Variants in FLNB observed in about 807,000 individuals in gnomAD.
FLNB encodes the protein filamin B.
A neutral mutation model predicts 250.6 loss-of-function variants in FLNB; 111 were observed. That is an observed-to-expected ratio of 0.44 (90% CI 0.38 to 0.52). The LOEUF (loss-of-function observed/expected upper bound fraction) is 0.52, where lower values mean the gene tolerates loss of function less well. Ranked by LOEUF, FLNB falls within the 20% of genes least tolerant of loss-of-function variation. The probability of loss-of-function intolerance (pLI) is 0.00; values close to 1 mark genes in which losing one functional copy is unlikely to be tolerated. For missense variants in FLNB, 2,869 were observed against 3,447.8 expected, an observed-to-expected ratio of 0.83 and a Z score of 4.20; for synonymous variants, 1,302 against 1,372.1, an observed-to-expected ratio of 0.95 and a Z score of 1.13.
rs78103805 is a variant in FLNB at position 58,170,057 on chromosome 3, G to A, written c.7621+264G>A. 9.5e-3 allele frequency among the ~76,000 whole-genome samples: 1,453 copies of A among 152,316 alleles called. 19 individuals carry two copies. Among genetic ancestry groups the A allele is most frequent in the African/African-American group, 0.033 (1,375 of 41,568 alleles). On this transcript the variant is annotated intron_variant, in intron 45 of 45. Coordinates refer to ENST00000295956, the MANE Select transcript of FLNB (RefSeq NM_001457.4). ...TCTGGCATCCAGTACACCTGGGCTG[G>A]AAACCTAGTACCGCCACTTCATTCA... is the stretch of plus-strand genomic sequence containing the variant.
intron 1 of FLNB, among the ~76,000 whole-genome samples, chr3:58,058,877 A>G (rs1320154734): frequency 6.6e-6 from 1 of 152,086 alleles, no homozygotes; most frequent in Non-Finnish European, 1.5e-5. Context: ...AGCCTCTGGG[A>G]ATGTTTGGGA....
chr3:58,011,467 C>T (rs1438777856), intron 1 of FLNB, among the ~76,000 whole-genome samples: 2 of 152,274 alleles, frequency 1.3e-5, no homozygotes, highest in East Asian at 1.9e-4. Context: ...TAATTGCTCT[C>T]CCGAGAGATC....
intron 41 of FLNB, among the ~76,000 whole-genome samples, chr3:58,156,908 G>A (rs1396242947): frequency 2.0e-5 from 3 of 152,116 alleles, no homozygotes; most frequent in Admixed American, 2.0e-4. Flanking sequence ...TGTTGGCCAG[G>A]CTGGTCTCAA....
chr3:58,155,714 TG>T (rs1171820136), intron 40 of FLNB, among the ~76,000 whole-genome samples: 1 of 152,186 alleles, frequency 6.6e-6, no homozygotes, highest in South Asian at 2.1e-4. Flanking sequence ...TTGAAGTCCA[TG>T]GATCTGCTGA....
chr3:58,067,191 C>CT (rs11303605), intron 1 of FLNB, among the ~76,000 whole-genome samples: 128 of 148,076 alleles, frequency 8.6e-4, no homozygotes, highest in South Asian at 6.4e-3. Context: ...TTTTAGCAGT[C>CT]TTTTTTTTTT....
intron 33 of FLNB, 103 bp from the exon 34 acceptor site, chr3:58,146,717 T>A: frequency 8.2e-7 from 1 of 1,214,950 alleles, no homozygotes. Context: ...GTCAATCCAT[T>A]GTCCCCAGCA....
chr3:58,092,494 A>G (rs1385794623), intron 4 of FLNB, among the ~76,000 whole-genome samples: 1 of 152,084 alleles, frequency 6.6e-6, no homozygotes, highest in Non-Finnish European at 1.5e-5. Flanking sequence ...TAATTTTTAA[A>G]AATTATACAG....
intron 19 of FLNB, among the ~76,000 whole-genome samples, chr3:58,120,741 A>G (rs942450396): frequency 2.0e-5 from 3 of 152,194 alleles, no homozygotes; most frequent in Non-Finnish European, 4.4e-5. Context: ...TCAAGTTAAC[A>G]CCAAAAGTAA....
intron 1 of FLNB, among the ~76,000 whole-genome samples, chr3:58,037,058 CTTTTTTTTTT>C (rs549716136): frequency 2.4e-4 from 25 of 103,614 alleles, no homozygotes; most frequent in African/African-American, 8.8e-4. Flanking sequence ...ACATTAGAGT[CTTTTTTTTTT>C]TTTTTTTTTT....
intron 1 of FLNB, among the ~76,000 whole-genome samples, chr3:58,015,815 C>T (rs1197269248): frequency 6.6e-6 from 1 of 152,098 alleles, no homozygotes. Flanking sequence ...GAGCACCTGC[C>T]CCTAGGCTGG....
chr3:58,070,071 CAG>C (rs1290988587), intron 1 of FLNB, among the ~76,000 whole-genome samples: 2 of 134,614 alleles, frequency 1.5e-5, no homozygotes, highest in Non-Finnish European at 3.1e-5. Flanking sequence ...TTTTTTGAGA[CAG>C]AGTCTCTTTC....
intron 31 of FLNB, 62 bp from the exon 32 acceptor site, chr3:58,143,411 C>G: frequency 6.3e-7 from 1 of 1,591,178 alleles, no homozygotes; most frequent in South Asian, 1.1e-5. Context: ...GTGCCTTGGG[C>G]TCTGCTTCTC....
intron 18 of FLNB, among the ~76,000 whole-genome samples, chr3:58,117,001 C>CTGAG (rs1489963897): frequency 6.6e-6 from 1 of 152,160 alleles, no homozygotes; most frequent in African/African-American, 2.4e-5. Flanking sequence ...AGGGATGGTG[C>CTGAG]TGAGGGTGGC....
rs962330996 is a variant in FLNB at position 58,105,626 on chromosome 3, A to G, written c.1747+410A>G. On this transcript the variant is annotated intron_variant, in intron 11 of 45. Coordinates refer to ENST00000295956, the MANE Select transcript of FLNB (RefSeq NM_001457.4). The stretch of plus-strand genomic sequence containing the variant: ...TGTCTAATGTATATATGATCATTTT[A>G]TATCAGGAGTCAGCCAGCTTTTTCT... 7.9e-5 allele frequency among the ~76,000 whole-genome samples: 12 copies of G among 152,230 alleles called. No homozygotes were observed. In the East Asian group the frequency reaches 1.5e-3, roughly 20 times the overall value.
chr3:58,114,422 C>A (rs1477577624), intron 18 of FLNB, among the ~76,000 whole-genome samples: 1 of 152,224 alleles, frequency 6.6e-6, no homozygotes, highest in African/African-American at 2.4e-5. Flanking sequence ...AGGCATGAGC[C>A]ACCGCGCCCG....
At position 58,142,654 on chromosome 3, in the gene FLNB, C is replaced by T. The variant is rs2097329001; in HGVS notation, c.5186C>T (p.Thr1729Ile). Residue 1729 changes from threonine (T) to isoleucine (I), a missense_variant, in exon 31 of 46, where the codon ACC becomes ATC. By Grantham distance (89) the Thr-to-Ile change is moderately conservative (BLOSUM62 -1). This residue lies in a region of FLNB where 1,084 missense variants were observed against 1,315.5 expected (regional missense o/e 0.82). Coordinates refer to ENST00000295956, the MANE Select transcript of FLNB (RefSeq NM_001457.4). The surrounding 1 kb of genome is among the most constrained non-coding windows in gnomAD (Gnocchi z 4.3). ...ACCACTGCCTTCTGTTTTTAGGTGA[C>T]CGAAGAGGCCTATGTCCCAGTGAGT... ...ACPPGFRPWV[T>I]EEAYVPVSDM... The T allele has an allele frequency of 6.2e-7, 1 of 1,613,774 alleles. No individual in the cohort carries two copies. Among genetic ancestry groups the T allele is most frequent in the Non-Finnish European group, 8.5e-7 (1 of 1,179,834 alleles).
At chr3:58,088,658 C>T (rs1359735292) in intron 4 of FLNB, among the ~76,000 whole-genome samples, 1 of 152,138 alleles carries the variant, frequency 6.6e-6, no homozygotes, top group Admixed American at 6.5e-5. Context: ...CAGAAAGTGC[C>T]AACAAAAGCT....
intron 41 of FLNB, among the ~76,000 whole-genome samples, chr3:58,158,127 G>C (rs1432345337): frequency 6.6e-6 from 1 of 152,084 alleles, no homozygotes; most frequent in Non-Finnish European, 1.5e-5. Context: ...TGGGATGGGA[G>C]TGATCTGGTG....
intron 39 of FLNB, among the ~76,000 whole-genome samples, chr3:58,154,033 G>GA (rs2097349483): frequency 6.6e-6 from 1 of 151,982 alleles, no homozygotes; most frequent in Non-Finnish European, 1.5e-5. Flanking sequence ...GATCTGTAGG[G>GA]AAAAAATGGA....
Sources: allele counts gnomAD v4.1 joint callset (sites outside exome capture counted in the v4.1 genomes callset), GRCh38; gene constraint gnomAD v4.1.1; regional missense constraint gnomAD v4.1.1; non-coding constraint Gnocchi (gnomAD v3.1); transcripts MANE v1.5; gene names NCBI Gene and HGNC (gene_info 2026-07-23, HGNC 2026-07-21).